Variants in PLPPR4 observed in about 807,000 individuals in gnomAD.
PLPPR4 encodes phospholipid phosphatase related 4.
Under a neutral mutation model 56.6 loss-of-function variants are expected in PLPPR4, and 24 were observed. The observed-to-expected ratio is 0.42, with a 90% CI of 0.31 to 0.60. The LOEUF (loss-of-function observed/expected upper bound fraction) is 0.60, where lower values mean the gene tolerates loss of function less well. Among genes scored for constraint, PLPPR4 ranks in the 20% least tolerant of loss-of-function variants. PLPPR4 has a pLI of 0.13. For synonymous variants in PLPPR4, 326 were observed against 328.1 expected, an observed-to-expected ratio of 0.99 and a Z score of 0.07; for missense variants, 654 against 885.8, an observed-to-expected ratio of 0.74 and a Z score of 3.32.
At chr1:99,293,315 A>G (rs1332972586) in intron 2 of PLPPR4, among the ~76,000 whole-genome samples, 1 of 152,178 alleles carries the variant, frequency 6.6e-6, no homozygotes, top group Non-Finnish European at 1.5e-5. Flanking sequence ...GATGTTATAC[A>G]TGGAAGTGGA....
At chr1:99,293,992 A>G (rs1440297773) in intron 2 of PLPPR4, among the ~76,000 whole-genome samples, 2 of 152,090 alleles carry the variant, frequency 1.3e-5, no homozygotes, top group Admixed American at 6.6e-5. Context: ...TTGTGAAAAG[A>G]TACTTGTTGT....
intron 1 of PLPPR4, among the ~76,000 whole-genome samples, chr1:99,269,995 TTTTGTGTGTG>T (rs1421889705): frequency 7.9e-6 from 1 of 125,838 alleles, no homozygotes; most frequent in East Asian, 2.2e-4. Context: ...TTTTCATTCC[TTTTGTGTGTG>T]TGTGTGTGTG....
intron 1 of PLPPR4, among the ~76,000 whole-genome samples, chr1:99,271,147 T>C (rs1011108462): frequency 3.9e-5 from 6 of 152,236 alleles, no homozygotes; most frequent in South Asian, 4.1e-4. Flanking sequence ...ATTTTAATAA[T>C]GATGATAATA....
At position 99,306,252 on chromosome 1, in the gene PLPPR4, TGTAA is replaced by T; in HGVS notation, c.1391_1394del (p.Cys464SerfsTer32). 1 of 1,614,118 alleles carries T rather than the reference TGTAA, an allele frequency of 6.2e-7. No homozygotes were observed. Among genetic ancestry groups the T allele is most frequent in the Non-Finnish European group, 8.5e-7 (1 of 1,180,012 alleles). On this transcript the variant is annotated frameshift_variant, in exon 7 of 7. Transcript: ENST00000370185. LOFTEE classifies it high-confidence loss of function. The surrounding 1 kb of genome is among the most constrained non-coding windows in gnomAD (Gnocchi z 4.0). ...AATCCAGCCTGGCGCTGTCCCCGGA[TGTAA>T]CAACAGCATGCCTGGAGGGCCAAGA...
chr1:99,306,005 C>T lies in PLPPR4; in HGVS notation c.1143C>T (p.Val381=), dbSNP rs1449772425. ...ATACCCCATCTGTAGAAGACCCTGT[C>T]AGAAGAAATGCGAGCATTCATGCCT... ...RANTPSVEDP[V]RRNASIHASM... is the part of the protein sequence containing the mutation. The change falls in exon 7 of 7, where the codon GTC becomes GTT. Residue 381 remains valine, a synonymous_variant. Transcript: ENST00000370185. The surrounding 1 kb of genome is among the most constrained non-coding windows in gnomAD (Gnocchi z 4.0). 1 of 1,614,190 alleles carries T rather than the reference C, an allele frequency of 6.2e-7. No individual in the cohort carries two copies. The highest frequency in any genetic ancestry group is 1.7e-5 in the Admixed American group (1 of 60,014).
rs200347177 is a variant in PLPPR4 at position 99,306,170 on chromosome 1, G to T, written c.1308G>T (p.Glu436Asp). Residue 436 changes from glutamate to aspartate, a missense_variant, in exon 7 of 7, where the codon GAG becomes GAT. Physicochemically the swap from Glu to Asp is conservative, Grantham distance 45 (BLOSUM62 2). Coordinates refer to ENST00000370185, the MANE Select transcript of PLPPR4 (RefSeq NM_014839.5). This position sits in a 1 kb window ranked among gnomAD's most constrained non-coding sequence, Gnocchi z 4.0. Reference sequence around the variant, plus strand: ...CCATAGAAATGAGGTCAAGCTCAGAGCCATCGAGGGTAGGGGTGAATGGAG... The same window carrying T: ...CCATAGAAATGAGGTCAAGCTCAGATCCATCGAGGGTAGGGGTGAATGGAG... ...PRSIEMRSSS[E>D]PSRVGVNGDH... 2 of 1,614,108 alleles carry T rather than the reference G, an allele frequency of 1.2e-6. No individual in the cohort carries two copies. Among genetic ancestry groups the T allele is most frequent in the African/African-American group, 2.7e-5 (2 of 75,046 alleles).
chr1:99,296,645 A>G, intron 2 of PLPPR4, 93 bp from the exon 3 acceptor site: 1 of 1,001,372 alleles, frequency 1.0e-6, no homozygotes. Context: ...TATTGAATTG[A>G]TATGTTAAAA....
At chr1:99,284,660 T>C (rs1215393490) in intron 1 of PLPPR4, among the ~76,000 whole-genome samples, 1 of 151,692 alleles carries the variant, frequency 6.6e-6, no homozygotes, top group African/African-American at 2.4e-5. Context: ...TTAATATATA[T>C]ATGGAAAATT....
chr1:99,288,285 T>G, intron 2 of PLPPR4, 135 bp downstream of exon 2: 1 of 692,708 alleles, frequency 1.4e-6, no homozygotes, highest in Non-Finnish European at 2.3e-6. Context: ...TTGAGATATA[T>G]TGACAGTATC....
chr1:99,300,047 A>T (rs960717405), intron 4 of PLPPR4, among the ~76,000 whole-genome samples: 11 of 151,976 alleles, frequency 7.2e-5, no homozygotes, highest in Non-Finnish European at 1.5e-5. Flanking sequence ...ATGTTATGTG[A>T]TTATACACAT....
intron 5 of PLPPR4, 26 bp from the exon 6 acceptor site, chr1:99,301,689 TCTAACATAC>T: frequency 6.7e-7 from 1 of 1,494,206 alleles, no homozygotes; most frequent in East Asian, 2.3e-5. Context: ...AAATGGCCTT[TCTAACATAC>T]TTAACCCATT....
chr1:99,278,149 TC>T (rs1331095964), intron 1 of PLPPR4, among the ~76,000 whole-genome samples: 1 of 152,152 alleles, frequency 6.6e-6, no homozygotes, highest in Admixed American at 6.5e-5. Context: ...TGTATAAGCT[TC>T]TAGGAAGAGG....
intron 1 of PLPPR4, among the ~76,000 whole-genome samples, chr1:99,285,339 A>C (rs903584650): frequency 1.2e-4 from 18 of 152,174 alleles, no homozygotes; most frequent in African/African-American, 4.3e-4. Flanking sequence ...CACTTTATGA[A>C]GTATTTGTTA....
At chr1:99,268,354 G>A (rs1658960892) in intron 1 of PLPPR4, among the ~76,000 whole-genome samples, 1 of 152,186 alleles carries the variant, frequency 6.6e-6, no homozygotes, top group African/African-American at 2.4e-5. Flanking sequence ...CAAGAACTCT[G>A]GATAGATGCA....
At chr1:99,282,705 C>G (rs1329132671) in intron 1 of PLPPR4, among the ~76,000 whole-genome samples, 2 of 151,842 alleles carry the variant, frequency 1.3e-5, no homozygotes, top group African/African-American at 4.8e-5. Context: ...GTCTCTGCAA[C>G]GTCTGGTCCC....
chr1:99,286,167 T>C (rs993766461), intron 1 of PLPPR4, among the ~76,000 whole-genome samples: 1 of 152,218 alleles, frequency 6.6e-6, no homozygotes. Flanking sequence ...TTAGTGTGAG[T>C]ATCTCTCAAA....
chr1:99,304,470 G>A (rs1402695865), intron 6 of PLPPR4, among the ~76,000 whole-genome samples: 3 of 152,264 alleles, frequency 2.0e-5, no homozygotes, highest in African/African-American at 4.8e-5. Context: ...TACTTGTATG[G>A]AGAGCTTATA....
chr1:99,274,113 C>T (rs1364782244), intron 1 of PLPPR4, among the ~76,000 whole-genome samples: 1 of 151,922 alleles, frequency 6.6e-6, no homozygotes, highest in African/African-American at 2.4e-5. Flanking sequence ...GTGCATATAC[C>T]AGCAAACAAT....
chr1:99,287,125 G>C (rs2100797671), intron 1 of PLPPR4, among the ~76,000 whole-genome samples: 1 of 152,106 alleles, frequency 6.6e-6, no homozygotes, highest in East Asian at 1.9e-4. Context: ...AGTTATGAAT[G>C]AGAATATGTG....
Sources: gnomAD v4.1 joint callset for allele counts (sites outside exome capture counted in the v4.1 genomes callset) on GRCh38, gnomAD v4.1.1 for gene constraint, Gnocchi (gnomAD v3.1) non-coding constraint, MANE v1.5 for transcripts, NCBI Gene and HGNC (gene_info 2026-07-23, HGNC 2026-07-21) for gene names.